Variants in TGFB1 observed in about 807,000 individuals in gnomAD.
TGFB1 encodes transforming growth factor beta 1.
Under a neutral mutation model 43.8 loss-of-function variants are expected in TGFB1, and 19 were observed. That is an observed-to-expected ratio of 0.43 (90% confidence interval 0.30 to 0.64). The LOEUF (loss-of-function observed/expected upper bound fraction) is 0.64, where lower values mean the gene tolerates loss of function less well. Ranked by LOEUF, TGFB1 falls within the 30% of genes least tolerant of loss-of-function variation. The probability of loss-of-function intolerance (pLI) is 0.11; values close to 1 mark genes in which losing one functional copy is unlikely to be tolerated. For missense variants in TGFB1, 445 were observed against 529.8 expected, an observed-to-expected ratio of 0.84 and a Z score of 1.57; for synonymous variants, 221 against 236.3, an observed-to-expected ratio of 0.94 and a Z score of 0.60.
intron 5 of TGFB1, among the ~76,000 whole-genome samples, chr19:41,337,360 C>T (rs1029516731): frequency 1.3e-5 from 2 of 152,086 alleles, no homozygotes; most frequent in African/African-American, 2.4e-5. Flanking sequence ...AGACTGGTCT[C>T]GAACTCCTGA....
At position 41,352,900 on chromosome 19, in the gene TGFB1, T is replaced by C; in HGVS notation, c.145A>G (p.Ile49Val). 6.4e-7 allele frequency: 1 copy of C among 1,560,162 alleles called. No individual in the cohort carries two copies. The highest frequency in any genetic ancestry group is 8.7e-7 in the Non-Finnish European group (1 of 1,153,470). ...ELVKRKRIEA[I>V]RGQILSKLRL... is the part of the protein sequence containing the mutation. Reference sequence around the variant, plus strand: ...AGCTTGGACAGGATCTGGCCGCGGATGGCCTCGATGCGCTTCCGCTTCACC... The same window carrying C: ...AGCTTGGACAGGATCTGGCCGCGGACGGCCTCGATGCGCTTCCGCTTCACC... The change falls in exon 1 of 7, where the codon ATC (isoleucine) becomes GTC (valine). Residue 49 changes from isoleucine to valine, a missense_variant. By Grantham distance (29) the Ile-to-Val change is conservative. This residue lies in a region of TGFB1 where 366 missense variants were observed against 428.8 expected (regional missense o/e 0.85). Transcript: ENST00000221930.
intron 5 of TGFB1, among the ~76,000 whole-genome samples, chr19:41,340,850 T>C (rs1281477204): frequency 6.6e-6 from 1 of 152,202 alleles, no homozygotes; most frequent in Non-Finnish European, 1.5e-5. Context: ...ATTCCAATGT[T>C]TCAGCTTTCC....
At chr19:41,347,968 C>T (rs2038135738) in intron 2 of TGFB1, among the ~76,000 whole-genome samples, 1 of 151,030 alleles carries the variant, frequency 6.6e-6, no homozygotes, top group Non-Finnish European at 1.5e-5. Context: ...CCCATCTCTA[C>T]CAAAAATACA....
chr19:41,351,096 G>C (rs2038186271), intron 1 of TGFB1: 1 of 152,554 alleles, frequency 6.6e-6, no homozygotes, highest in African/African-American at 2.4e-5. Flanking sequence ...GGCAGATGGG[G>C]AGACACGTGC....
intron 6 of TGFB1, 138 bp downstream of exon 6, chr19:41,331,990 A>G (rs1399282993): frequency 1.5e-5 from 18 of 1,190,118 alleles, no homozygotes; most frequent in Admixed American, 2.2e-5. Flanking sequence ...CTCTTTATTC[A>G]TTCCCCTCCC....
intron 3 of TGFB1, among the ~76,000 whole-genome samples, chr19:41,342,597 C>T (rs2038071706): frequency 6.6e-6 from 1 of 151,608 alleles, no homozygotes; most frequent in Non-Finnish European, 1.5e-5. Flanking sequence ...TCACTGCAAC[C>T]TCCACCTCCC....
At position 41,353,387 on chromosome 19, in the gene TGFB1, G is replaced by A. The variant is rs200716568; in HGVS notation, c.-343C>T. 2.3e-5 allele frequency: 6 copies of A among 256,438 alleles called. No homozygotes were observed. The East Asian group carries it at 3.0e-4, about 13-fold the overall frequency. The allele number at this position is 256,438 out of a possible 1,614,324, so 15.9% of individuals were successfully genotyped here. A position where few individuals can be genotyped will look rare whatever the true frequency, so the allele number is the denominator to read the frequency against. On this transcript the variant is annotated 5_prime_UTR_variant, in exon 1 of 7. It adds an upstream start codon to the 5' untranslated region. Transcript: ENST00000221930. This position sits in a 1 kb window ranked among gnomAD's most constrained non-coding sequence, Gnocchi z 5.9. ...GAGACAGGCCGGGGATGAAGGCGGC[G>A]TGCAGGGGGTGCGCCCGAGGTCTGG...
In TGFB1 at chr19:41,330,847, A is replaced by C; in HGVS notation, c.*205T>G. ...AGGAGGCAGAGAGGGAGAGAGAGGG[A>C]GTGGGAGTGGGGGAACGTCAGGGAT... On this transcript the variant is annotated 3_prime_UTR_variant, in exon 7 of 7. Coordinates refer to ENST00000221930, the MANE Select transcript of TGFB1 (RefSeq NM_000660.7). The C allele has an allele frequency of 1.9e-6, 1 of 523,066 alleles. No homozygotes were observed. The highest frequency in any genetic ancestry group is 3.4e-6 in the Non-Finnish European group (1 of 295,888). The allele number at this position is 523,066 out of a possible 1,614,324, so 32.4% of individuals were successfully genotyped here. A position where few individuals can be genotyped will look rare whatever the true frequency, so the allele number is the denominator to read the frequency against.
chr19:41,340,838 G>C (rs554398250), intron 5 of TGFB1, among the ~76,000 whole-genome samples: 79 of 152,256 alleles, frequency 5.2e-4, no homozygotes, highest in South Asian at 1.0e-3. Flanking sequence ...CCAAATTCTA[G>C]GATTCCAATG....
In TGFB1 at chr19:41,330,995, G is replaced by GGGGGC. The variant is rs1292261729; in HGVS notation, c.*52_*56dup. On this transcript the variant is annotated 3_prime_UTR_variant, in exon 7 of 7. Coordinates refer to ENST00000221930, the MANE Select transcript of TGFB1 (RefSeq NM_000660.7). Reference sequence around the variant, plus strand: ...ATACAGCCCCCATGGGCAAGGCAGCGGGGGCGGGGCGGGGTGGGGCCGGGC... The same window carrying GGGGGC: ...ATACAGCCCCCATGGGCAAGGCAGCGGGGGCGGGGCGGGGCGGGGTGGGGCCGGGC... The GGGGGC allele has an allele frequency of 3.6e-5, 51 of 1,431,842 alleles. No individual in the cohort carries two copies. Among genetic ancestry groups the GGGGGC allele is most frequent in the East Asian group, 1.3e-4 (5 of 37,804 alleles). 88.7% of individuals were successfully genotyped at this position (1,431,842 alleles called of 1,614,324 possible). A position where few individuals can be genotyped will look rare whatever the true frequency, so the allele number is the denominator to read the frequency against.
At chr19:41,339,183 A>G (rs1417301950) in intron 5 of TGFB1, among the ~76,000 whole-genome samples, 2 of 148,008 alleles carry the variant, frequency 1.4e-5, no homozygotes, top group African/African-American at 5.0e-5. Context: ...CAGTGGCGTG[A>G]TCCTGGCTGA....
chr19:41,341,240 G>A (rs1006163845), intron 5 of TGFB1, among the ~76,000 whole-genome samples: 2 of 151,836 alleles, frequency 1.3e-5, no homozygotes, highest in African/African-American at 4.8e-5. Flanking sequence ...GCTGAGGTGG[G>A]TGTATCACGA....
chr19:41,353,062 C>G lies in TGFB1; in HGVS notation c.-18G>C. 6.6e-7 allele frequency: 1 copy of G among 1,511,768 alleles called. No individual in the cohort carries two copies. The highest frequency in any genetic ancestry group is 8.8e-7 in the Non-Finnish European group (1 of 1,135,228). The allele number at this position is 1,511,768 out of a possible 1,614,324, so 93.6% of individuals were successfully genotyped here. A position where few individuals can be genotyped will look rare whatever the true frequency, so the allele number is the denominator to read the frequency against. ...GGCGGCATGGGGGAGGCGGCGCCCC[C>G]CGGCACTGCCGAGAGCGCGAACAGG... On this transcript the variant is annotated 5_prime_UTR_variant, in exon 1 of 7. Coordinates refer to ENST00000221930, the MANE Select transcript of TGFB1 (RefSeq NM_000660.7). This position sits in a 1 kb window ranked among gnomAD's most constrained non-coding sequence, Gnocchi z 5.9.
chr19:41,335,584 C>G (rs1240455657), intron 5 of TGFB1, among the ~76,000 whole-genome samples: 1 of 152,132 alleles, frequency 6.6e-6, no homozygotes, highest in South Asian at 2.1e-4. Context: ...TTGAACAAGC[C>G]GTCTAGGTGA....
intron 3 of TGFB1, 152 bp from the exon 4 acceptor site, chr19:41,342,399 T>TC (rs1489248131): frequency 1.5e-6 from 1 of 672,956 alleles, no homozygotes; most frequent in East Asian, 2.7e-5. Context: ...TCTTTTTTTT[T>TC]TTTTTTTTTT....
At chr19:41,339,739 A>C (rs566948572) in intron 5 of TGFB1, among the ~76,000 whole-genome samples, 1 of 152,074 alleles carries the variant, frequency 6.6e-6, no homozygotes, top group East Asian at 1.9e-4. Context: ...CAGGAGAATC[A>C]CTTGAACCTG....
At chr19:41,342,322 G>A in intron 3 of TGFB1, 75 bp from the exon 4 acceptor site, 4 of 1,463,802 alleles carry the variant, frequency 2.7e-6, no homozygotes, top group South Asian at 2.4e-5. Context: ...GAAGGAAGGA[G>A]CAAACCCCAG....
chr19:41,341,988 C>T lies in TGFB1; in HGVS notation c.755G>A (p.Gly252Asp). Residue 252 changes from glycine to aspartate, a missense_variant, in exon 5 of 7, where the codon GGC (glycine) becomes GAC (aspartate). This residue lies in a region of TGFB1 where 366 missense variants were observed against 428.8 expected (regional missense o/e 0.85). Coordinates refer to ENST00000221930, the MANE Select transcript of TGFB1 (RefSeq NM_000660.7). ...GAGAAGCAGGAAAGGCCGGTTCATGCCATGAATGGTGGCCAGGTCACCTCG... is the reference window on the plus strand; with the variant it reads ...GAGAAGCAGGAAAGGCCGGTTCATGTCATGAATGGTGGCCAGGTCACCTCG... The part of the protein sequence containing the change: ...GRRGDLATIH[G>D]MNRPFLLLMA... 6.2e-7 allele frequency: 1 copy of T among 1,614,220 alleles called. No homozygotes were observed. Among genetic ancestry groups the T allele is most frequent in the Non-Finnish European group, 8.5e-7 (1 of 1,180,024 alleles).
rs1008378738 is a variant in TGFB1, at chr19:41,353,184, AG to A, written c.-141del. 9.0e-7 allele frequency: 1 copy of A among 1,107,218 alleles called. No individual in the cohort carries two copies. The highest frequency in any genetic ancestry group is 1.2e-6 in the Non-Finnish European group (1 of 813,786). 68.6% of individuals were successfully genotyped at this position (1,107,218 alleles called of 1,614,324 possible). A position where few individuals can be genotyped will look rare whatever the true frequency, so the allele number is the denominator to read the frequency against. ...GGGAAAGCTGAGGTCCTCAGGGAGAAGGGCGCAGTGGTGGAGGGGAGGCTTG... is the reference window on the plus strand; with the variant it reads ...GGGAAAGCTGAGGTCCTCAGGGAGAAGGCGCAGTGGTGGAGGGGAGGCTTG... On this transcript the variant is annotated 5_prime_UTR_variant, in exon 1 of 7. Transcript: ENST00000221930. The surrounding 1 kb of genome is among the most constrained non-coding windows in gnomAD (Gnocchi z 5.9).
Sources: allele counts gnomAD v4.1 joint callset (sites outside exome capture counted in the v4.1 genomes callset), GRCh38; gene constraint gnomAD v4.1.1; regional missense constraint gnomAD v4.1.1; non-coding constraint Gnocchi (gnomAD v3.1); transcripts MANE v1.5; gene names NCBI Gene and HGNC (gene_info 2026-07-23, HGNC 2026-07-21).